Variants in ADAMTS2 observed in about 807,000 individuals in gnomAD.
The protein encoded by ADAMTS2 is A disintegrin and metalloproteinase with thrombospondin motifs 2.
ADAMTS2 carries 50 observed loss-of-function variants against 123.0 expected under a neutral mutation model. That is an observed-to-expected ratio of 0.41 (90% confidence interval 0.32 to 0.51). ADAMTS2 has a LOEUF of 0.51. Ranked by LOEUF, ADAMTS2 falls within the 20% of genes least tolerant of loss-of-function variation. The probability of loss-of-function intolerance (pLI) is 0.35; values close to 1 mark genes in which losing one functional copy is unlikely to be tolerated. For missense variants in ADAMTS2, 1,494 were observed against 1,705.2 expected, an observed-to-expected ratio of 0.88 and a Z score of 2.18; for synonymous variants, 678 against 695.4, an observed-to-expected ratio of 0.98 and a Z score of 0.39.
intron 2 of ADAMTS2, among the ~76,000 whole-genome samples, chr5:179,295,023 G>A (rs340117): frequency 0.016 from 2,454 of 152,276 alleles, 38 homozygotes; most frequent in Non-Finnish European, 0.023. Context: ...CCCACTGGCC[G>A]CATGGATCAT....
Position 179,122,637 on chromosome 5 carries a change from G to A in ADAMTS2, c.3088+7C>T. The A allele has an allele frequency of 6.5e-7, 1 of 1,550,074 alleles. No homozygotes were observed. The highest frequency in any genetic ancestry group is 2.0e-5 in the Admixed American group (1 of 51,066). The stretch of plus-strand genomic sequence containing the variant: ...GGGAGCAGGGGCAGGGGCTGCAGGT[G>A]GCTTACGGGGACAGGGGCCAAGCCT... On this transcript the variant is annotated splice_region_variant and intron_variant, in intron 20 of 21. Transcript: ENST00000251582.
chr5:179,323,196 A>G (rs1412227817), intron 2 of ADAMTS2, among the ~76,000 whole-genome samples: 1 of 152,200 alleles, frequency 6.6e-6, no homozygotes, highest in Admixed American at 6.5e-5. Context: ...TCTGATGGAA[A>G]ATCCATCCGT....
chr5:179,143,894 C>T (rs1443292298), intron 10 of ADAMTS2, among the ~76,000 whole-genome samples: 3 of 152,064 alleles, frequency 2.0e-5, no homozygotes, highest in Non-Finnish European at 4.4e-5. Flanking sequence ...AAAGAAGGTA[C>T]TTTTTACACA....
At chr5:179,159,803 A>C (rs1763561401) in intron 5 of ADAMTS2, among the ~76,000 whole-genome samples, 2 of 152,214 alleles carry the variant, frequency 1.3e-5, no homozygotes, top group Admixed American at 6.5e-5. Context: ...GGATCCCAAG[A>C]AGGCTGAAAC....
chr5:179,138,849 T>C (rs1282044810), intron 11 of ADAMTS2, among the ~76,000 whole-genome samples: 1 of 152,004 alleles, frequency 6.6e-6, no homozygotes, highest in Non-Finnish European at 1.5e-5. Flanking sequence ...GCAGCCCGAG[T>C]GAACAGGACC....
At chr5:179,329,109 C>G (rs560186544) in intron 2 of ADAMTS2, among the ~76,000 whole-genome samples, 9 of 152,118 alleles carry the variant, frequency 5.9e-5, no homozygotes, top group East Asian at 3.9e-4. Flanking sequence ...GGGCGGATCA[C>G]GAGGTCAGGA....
In ADAMTS2 at chr5:179,345,258, G is replaced by GGCGGCAGGAGCGGCGGCGGCA; in HGVS notation, c.70_71insTGCCGCCGCCGCTCCTGCCGC (p.Leu23_Pro24insLeuProProProLeuLeuPro). The stretch of plus-strand genomic sequence containing the variant: ...CGGCGGCGGCGGCAGGAGCGGCGGC[G>GGCGGCAGGAGCGGCGGCGGCA]GCAGCAGCAGCAGCAGCAGCAGCAG... On this transcript the variant is annotated inframe_insertion, in exon 1 of 22. Coordinates refer to ENST00000251582, the MANE Select transcript of ADAMTS2 (RefSeq NM_014244.5). The surrounding 1 kb of genome is among the most constrained non-coding windows in gnomAD (Gnocchi z 7.5). 1.8e-6 allele frequency: 2 copies of GGCGGCAGGAGCGGCGGCGGCA among 1,136,324 alleles called. No homozygotes were observed. Among genetic ancestry groups the GGCGGCAGGAGCGGCGGCGGCA allele is most frequent in the Non-Finnish European group, 2.1e-6 (2 of 932,208 alleles). The allele number at this position is 1,136,324 out of a possible 1,614,324, so 70.4% of individuals were successfully genotyped here. A position where few individuals can be genotyped will look rare whatever the true frequency, so the allele number is the denominator to read the frequency against.
chr5:179,129,879 TC>T lies in ADAMTS2; in HGVS notation c.2457+52del. The T allele has an allele frequency of 6.2e-7, 1 of 1,605,400 alleles. No homozygotes were observed. On this transcript the variant is annotated intron_variant, in intron 16 of 21. Transcript: ENST00000251582. The surrounding 1 kb of genome is among the most constrained non-coding windows in gnomAD (Gnocchi z 4.1). Reference sequence around the variant, plus strand: ...TCAGCGTCCCAGGCACCCCCATCCCTCCCCCAGTGGCCACCCGCACCCTTCC... The same window carrying T: ...TCAGCGTCCCAGGCACCCCCATCCCTCCCCAGTGGCCACCCGCACCCTTCC...
intron 3 of ADAMTS2, among the ~76,000 whole-genome samples, chr5:179,220,911 C>T (rs144894648): frequency 6.6e-6 from 1 of 152,286 alleles, no homozygotes; most frequent in Non-Finnish European, 1.5e-5. Context: ...GTCTCAGATG[C>T]TGCCCGACCC....
intron 2 of ADAMTS2, among the ~76,000 whole-genome samples, chr5:179,329,865 G>A (rs1328697230): frequency 6.6e-6 from 1 of 152,122 alleles, no homozygotes; most frequent in Admixed American, 6.5e-5. Context: ...GGTGGCTCAC[G>A]CCTGTAATCC....
At chr5:179,220,945 C>T (rs1422751740) in intron 3 of ADAMTS2, among the ~76,000 whole-genome samples, 1 of 152,156 alleles carries the variant, frequency 6.6e-6, no homozygotes, top group Non-Finnish European at 1.5e-5. Context: ...CCCTCTCCTA[C>T]CCGGCCATGA....
At chr5:179,149,425 G>GCT (rs1310749508) in intron 10 of ADAMTS2, among the ~76,000 whole-genome samples, 2 of 152,246 alleles carry the variant, frequency 1.3e-5, no homozygotes, top group African/African-American at 4.8e-5. Context: ...TTCTGTTAGA[G>GCT]CAGCCGAAGC....
intron 4 of ADAMTS2, 38 bp downstream of exon 4, chr5:179,207,475 T>TGGCCCCC: frequency 8.5e-6 from 5 of 588,616 alleles, no homozygotes; most frequent in Non-Finnish European, 9.6e-6. Flanking sequence ...TGGTTGACCC[T>TGGCCCCC]CCCCGCCCCA....
Position 179,155,836 on chromosome 5 carries a change from C to T in ADAMTS2, c.1133-917G>A, listed in dbSNP as rs1189674130. Among the ~76,000 whole-genome samples the T allele has an allele frequency of 3.3e-5, 5 of 152,084 alleles. No individual in the cohort carries two copies. The highest frequency in any genetic ancestry group is 1.2e-4 in the African/African-American group (5 of 41,406). On this transcript the variant is annotated intron_variant, in intron 6 of 21. Coordinates refer to ENST00000251582, the MANE Select transcript of ADAMTS2 (RefSeq NM_014244.5). The surrounding 1 kb of genome is among the most constrained non-coding windows in gnomAD (Gnocchi z 5.1). ...GACTTTCAGAACCCCAACCTGCCCT[C>T]ACTCCTGCCATGCCCCACTGAGAGA...
chr5:179,278,702 G>A (rs1776358031), intron 2 of ADAMTS2, among the ~76,000 whole-genome samples: 1 of 151,910 alleles, frequency 6.6e-6, no homozygotes, highest in Non-Finnish European at 1.5e-5. Flanking sequence ...TCTCCCCTGG[G>A]GGACAGAGAG....
chr5:179,186,624 C>T (rs910844816), intron 4 of ADAMTS2, among the ~76,000 whole-genome samples: 4 of 152,200 alleles, frequency 2.6e-5, no homozygotes, highest in Admixed American at 2.0e-4. Context: ...GTGTAATTCC[C>T]GACAAAACAC....
chr5:179,197,131 C>T lies in ADAMTS2; in HGVS notation c.891+10382G>A, dbSNP rs1764447469. Among the ~76,000 whole-genome samples the T allele has an allele frequency of 6.6e-6, 1 of 152,242 alleles. No individual in the cohort carries two copies. The highest frequency in any genetic ancestry group is 2.4e-5 in the African/African-American group (1 of 41,464). ...ATCTGTCTGGTGGCCTCTGGCAGGC[C>T]TGAGAGTACGTGTTCCTGGTAGCAA... is the stretch of plus-strand genomic sequence containing the variant. On this transcript the variant is annotated intron_variant, in intron 4 of 21. Coordinates refer to ENST00000251582, the MANE Select transcript of ADAMTS2 (RefSeq NM_014244.5). The surrounding 1 kb of genome is among the most constrained non-coding windows in gnomAD (Gnocchi z 4.2).
chr5:179,167,176 C>T (rs965861958), intron 5 of ADAMTS2, among the ~76,000 whole-genome samples: 1 of 152,186 alleles, frequency 6.6e-6, no homozygotes, highest in African/African-American at 2.4e-5. Flanking sequence ...AACTGCGTCT[C>T]AGACAACTGA....
At chr5:179,207,776 A>AAGCT in intron 3 of ADAMTS2, 61 bp from the exon 4 acceptor site, 1 of 1,502,816 alleles carries the variant, frequency 6.7e-7, no homozygotes, top group Non-Finnish European at 9.1e-7. Flanking sequence ...CAAACCTACC[A>AAGCT]GGCGCCAGCT....
Sources: allele counts gnomAD v4.1 joint callset (sites outside exome capture counted in the v4.1 genomes callset), GRCh38; gene constraint gnomAD v4.1.1; non-coding constraint Gnocchi (gnomAD v3.1); transcripts MANE v1.5; gene names NCBI Gene and HGNC (gene_info 2026-07-23, HGNC 2026-07-21).